Variants in ZC3H12B observed in about 807,000 individuals in gnomAD.
ZC3H12B encodes probable ribonuclease ZC3H12B.
In ZC3H12B, 7 loss-of-function variants were observed where a neutral mutation model predicts 43.9. The ratio of observed to expected loss-of-function variants is 0.16; its 90% CI spans 0.09 to 0.30. The LOEUF is 0.30. Among genes scored for constraint, ZC3H12B ranks in the 10% least tolerant of loss-of-function variants. The probability of loss-of-function intolerance (pLI) is 1.00; values close to 1 mark genes in which losing one functional copy is unlikely to be tolerated. For synonymous variants in ZC3H12B, 222 were observed against 241.7 expected (o/e 0.92, Z 0.76); for missense variants, 475 against 670.2 (o/e 0.71, Z 3.22).
chrX:65,381,047 G>C (rs760481685), intron 2 of ZC3H12B, among the ~76,000 whole-genome samples: 6 of 111,133 alleles, frequency 5.4e-5, no homozygotes, highest in South Asian at 3.8e-4. Context: ...AGATCAACAA[G>C]ACAGAAAGTC....
At chrX:65,211,327 C>A in the ZC3H12B span, among the ~76,000 whole-genome samples, 3 of 108,262 alleles carry the variant, frequency 2.8e-5, no homozygotes, top group Non-Finnish European at 3.8e-5. Flanking sequence ...CACCTGTTTT[C>A]CAAAAATCTG....
At chrX:65,442,965 C>T (rs1425051330) in intron 3 of ZC3H12B, among the ~76,000 whole-genome samples, 1 of 110,716 alleles carries the variant, frequency 9.0e-6, no homozygotes, top group Non-Finnish European at 1.9e-5. Context: ...AGTTTTCACC[C>T]AGTGTCCTCT....
the ZC3H12B span, among the ~76,000 whole-genome samples, chrX:65,193,488 CT>C: frequency 2.7e-5 from 3 of 111,243 alleles, no homozygotes; most frequent in Admixed American, 9.5e-5. Flanking sequence ...GTAATGTTTC[CT>C]TTTTATCTCT....
At chrX:65,152,708 T>C in the ZC3H12B span, among the ~76,000 whole-genome samples, 1 of 111,351 alleles carries the variant, frequency 9.0e-6, no homozygotes, top group Non-Finnish European at 1.9e-5. Context: ...TACCAGACTT[T>C]CTTCACAGAA....
chrX:65,438,131 A>G (rs1003426757), intron 3 of ZC3H12B, among the ~76,000 whole-genome samples: 1 of 111,901 alleles, frequency 8.9e-6, no homozygotes, highest in Non-Finnish European at 1.9e-5. Context: ...ATAGCTCTGT[A>G]GTATATTTTG....
At chrX:65,429,716 G>A (rs2067129952) in intron 3 of ZC3H12B, among the ~76,000 whole-genome samples, 1 of 112,236 alleles carries the variant, frequency 8.9e-6, no homozygotes, top group African/African-American at 3.2e-5. Context: ...TCTGTCCATA[G>A]ATAAATGGCT....
chrX:65,224,913 T>A, the ZC3H12B span, among the ~76,000 whole-genome samples: 2 of 112,207 alleles, frequency 1.8e-5, no homozygotes, highest in African/African-American at 3.2e-5. Context: ...CAAGGAGGCC[T>A]GCCTGCCTCT....
chrX:65,119,821 G>C, the ZC3H12B span, among the ~76,000 whole-genome samples: 1 of 111,834 alleles, frequency 8.9e-6, no homozygotes, highest in African/African-American at 3.2e-5. Flanking sequence ...ATTAATTTTT[G>C]TATAAGGTGT....
intron 2 of ZC3H12B, among the ~76,000 whole-genome samples, chrX:65,386,352 ACTT>A (rs1179724196): frequency 9.0e-6 from 1 of 111,580 alleles, no homozygotes; most frequent in Non-Finnish European, 1.9e-5. Flanking sequence ...CAGGGATTCA[ACTT>A]CTTCCTGGTT....
chrX:65,319,691 C>T, the ZC3H12B span, among the ~76,000 whole-genome samples: 4 of 110,652 alleles, frequency 3.6e-5, no homozygotes, highest in Non-Finnish European at 7.6e-5. Context: ...ACTAGTAAAC[C>T]GAATCTAGCA....
chrX:65,226,462 A>G, the ZC3H12B span, among the ~76,000 whole-genome samples: 1 of 111,707 alleles, frequency 9.0e-6, no homozygotes, highest in Non-Finnish European at 1.9e-5. Context: ...AACTGCGTCA[A>G]CCTGCGTCAA....
chrX:65,157,552 T>A, the ZC3H12B span, among the ~76,000 whole-genome samples: 1 of 111,606 alleles, frequency 9.0e-6, no homozygotes, highest in East Asian at 2.8e-4. Context: ...CTAGTACATT[T>A]TTCCCCACTG....
At chrX:65,388,662 C>T (rs1020502831) in intron 2 of ZC3H12B, among the ~76,000 whole-genome samples, 2 of 112,069 alleles carry the variant, frequency 1.8e-5, no homozygotes, top group South Asian at 7.5e-4. Flanking sequence ...ATTCTCCATC[C>T]GGGTTTGTTC....
At chrX:65,374,555 A>G (rs1482655179) in intron 2 of ZC3H12B, among the ~76,000 whole-genome samples, 1 of 109,838 alleles carries the variant, frequency 9.1e-6, no homozygotes, top group Non-Finnish European at 1.9e-5. Flanking sequence ...ATAACTATCT[A>G]AACAAAAATA....
chrX:65,273,250 C>G, the ZC3H12B span, among the ~76,000 whole-genome samples: 1 of 111,145 alleles, frequency 9.0e-6, no homozygotes, highest in African/African-American at 3.3e-5. Context: ...CAAACAGTTC[C>G]AAAGTTTTAA....
chrX:65,308,116 G>A, the ZC3H12B span, among the ~76,000 whole-genome samples: 2 of 110,952 alleles, frequency 1.8e-5, no homozygotes, highest in African/African-American at 6.5e-5. Context: ...CATTCTCGAA[G>A]ATAGACCATA....
chrX:65,370,184 T>G, intron 2 of ZC3H12B, among the ~76,000 whole-genome samples: 1 of 112,612 alleles, frequency 8.9e-6, no homozygotes, highest in Non-Finnish European at 1.9e-5. Context: ...TTAGAACTTC[T>G]TCCACATGGC....
the ZC3H12B span, among the ~76,000 whole-genome samples, chrX:65,309,887 A>G: frequency 2.7e-5 from 3 of 112,329 alleles, no homozygotes; most frequent in African/African-American, 9.7e-5. Context: ...AAACAGAACC[A>G]AAGACAAAAA....
chrX:65,376,278 C>T (rs2066344754), intron 2 of ZC3H12B, among the ~76,000 whole-genome samples: 1 of 112,123 alleles, frequency 8.9e-6, no homozygotes, highest in Non-Finnish European at 1.9e-5. Flanking sequence ...AGGTAGATTT[C>T]TAAGGTTTTT....
Sources: allele counts gnomAD v4.1 joint callset (sites outside exome capture counted in the v4.1 genomes callset), GRCh38; gene constraint gnomAD v4.1.1; transcripts MANE v1.5; gene names NCBI Gene and HGNC (gene_info 2026-07-23, HGNC 2026-07-21).